The following ZEB2 variants were observed in gnomAD, a reference collection of about 807,000 sequenced individuals.
ZEB2 encodes zinc finger E-box-binding homeobox 2.
Under a neutral mutation model 99.9 loss-of-function variants are expected in ZEB2, and 6 were observed. The observed-to-expected ratio is 0.06, with a 90% CI of 0.03 to 0.12. ZEB2 has a LOEUF of 0.12. Ranked by LOEUF, ZEB2 falls within the 10% of genes least tolerant of loss-of-function variation. The pLI is 1.00. For synonymous variants in ZEB2, 517 were observed against 542.5 expected (o/e 0.95, Z 0.65); for missense variants, 969 against 1,502.8 (o/e 0.64, Z 5.87).
At chr2:144,392,679 A>G (rs555038201) in intron 9 of ZEB2, among the ~76,000 whole-genome samples, 1 of 152,368 alleles carries the variant, frequency 6.6e-6, no homozygotes, top group African/African-American at 2.4e-5. Context: ...AATTCAATTT[A>G]AATAGTAACT....
At chr2:144,495,993 AT>A (rs1420062920) in intron 2 of ZEB2, 1 of 152,278 alleles carries the variant, frequency 6.6e-6, no homozygotes, top group Non-Finnish European at 1.5e-5. Flanking sequence ...CTTTGGTCCC[AT>A]GACACAGCCA....
At chr2:144,474,148 G>C (rs940658789) in intron 2 of ZEB2, among the ~76,000 whole-genome samples, 1 of 152,178 alleles carries the variant, frequency 6.6e-6, no homozygotes, top group Non-Finnish European at 1.5e-5. Flanking sequence ...AGCTGGGAGA[G>C]GAGCAGAGCC....
rs77590096 is a variant in ZEB2 at position 144,411,005 on chromosome 2, G to A, written c.404-5981C>T. 1.2e-3 allele frequency among the ~76,000 whole-genome samples: 174 copies of A among 140,228 alleles called. No individual in the cohort carries two copies. In the East Asian group the frequency reaches 0.029, roughly 23 times the overall value. The allele number at this position is 140,228 out of a possible 152,430, so 92.0% of individuals were successfully genotyped here. A position where few individuals can be genotyped will look rare whatever the true frequency, so the allele number is the denominator to read the frequency against. ...TTTTTCCTACTTCTGTGATTCACCCGTTTGGAGATATATACACATAATGGT... is the reference window on the plus strand; with the variant it reads ...TTTTTCCTACTTCTGTGATTCACCCATTTGGAGATATATACACATAATGGT... On this transcript the variant is annotated intron_variant, in intron 4 of 9. Coordinates refer to ENST00000627532, the MANE Select transcript of ZEB2 (RefSeq NM_014795.4).
intron 2 of ZEB2, among the ~76,000 whole-genome samples, chr2:144,432,171 C>A (rs888734504): frequency 2.0e-5 from 3 of 152,046 alleles, no homozygotes; most frequent in African/African-American, 7.2e-5. Context: ...AATATCAGAA[C>A]AATCTAAACA....
At chr2:144,464,173 T>A (rs1008596001) in intron 2 of ZEB2, 1 of 152,200 alleles carries the variant, frequency 6.6e-6, no homozygotes, top group African/African-American at 2.4e-5. Flanking sequence ...TACCTCTCTA[T>A]CCTTAGGGAG....
intron 2 of ZEB2, chr2:144,449,492 AC>A (rs1490381413): frequency 6.6e-6 from 1 of 152,222 alleles, no homozygotes; most frequent in African/African-American, 2.4e-5. Context: ...AACACCTATA[AC>A]AAGTACAGCT....
chr2:144,437,084 C>T (rs1703849262), intron 2 of ZEB2, among the ~76,000 whole-genome samples: 1 of 152,264 alleles, frequency 6.6e-6, no homozygotes, highest in Admixed American at 6.5e-5. Context: ...CATACAGGCC[C>T]CTGACCGCTC....
chr2:144,390,061 G>A (rs1385586489), intron 9 of ZEB2, 33 bp from the exon 10 acceptor site: 1 of 1,595,584 alleles, frequency 6.3e-7, no homozygotes. Flanking sequence ...AGGGTGATTA[G>A]TGTCTTTGCA....
At chr2:144,406,010 A>G (rs974932989) in intron 4 of ZEB2, among the ~76,000 whole-genome samples, 17 of 152,212 alleles carry the variant, frequency 1.1e-4, no homozygotes, top group Non-Finnish European at 1.9e-4. Flanking sequence ...GGTACAATTA[A>G]TGGTGGAATC....
In ZEB2 at chr2:144,418,378, T is replaced by A. The variant is rs111475532; in HGVS notation, c.403+6418A>T. On this transcript the variant is annotated intron_variant, in intron 4 of 9. Coordinates refer to ENST00000627532, the MANE Select transcript of ZEB2 (RefSeq NM_014795.4). ...AGAAAACCGTTTACGATGTATTCAT[T>A]TCTTAATGAACAAAAATAGTTTGAA... is the stretch of plus-strand genomic sequence containing the variant. Among the ~76,000 whole-genome samples the A allele has an allele frequency of 5.6e-3, 860 of 152,298 alleles. 11 individuals carry two copies. Among genetic ancestry groups the A allele is most frequent in the African/African-American group, 0.02 (814 of 41,566 alleles).
chr2:144,399,814 C>T lies in ZEB2; in HGVS notation c.1373G>A (p.Ser458Asn). ...AATCTGTAGAACCTTTTGTACCTCA[C>T]TTAAATTACTATTCATGGTGGGAAA... ...LGFPTMNSNL[S>N]EVQKVLQIVD... Residue 458 changes from serine (S) to asparagine (N), a missense_variant, in exon 8 of 10, where the codon AGT (serine) becomes AAT (asparagine). Physicochemically the swap from Ser to Asn is conservative, Grantham distance 46 (BLOSUM62 1). Transcript: ENST00000627532. The surrounding 1 kb of genome is among the most constrained non-coding windows in gnomAD (Gnocchi z 5.6). The T allele has an allele frequency of 6.2e-7, 1 of 1,614,176 alleles. No homozygotes were observed. The highest frequency in any genetic ancestry group is 1.3e-5 in the African/African-American group (1 of 75,038).
chr2:144,474,408 C>G (rs1213207799), intron 2 of ZEB2, among the ~76,000 whole-genome samples: 2 of 152,190 alleles, frequency 1.3e-5, no homozygotes, highest in Admixed American at 1.3e-4. Context: ...AGTCTAATGA[C>G]CATTGCCCAA....
intron 2 of ZEB2, among the ~76,000 whole-genome samples, chr2:144,451,383 A>G (rs530738919): frequency 6.6e-6 from 1 of 152,338 alleles, no homozygotes; most frequent in South Asian, 2.1e-4. Context: ...ATTTGTGCTT[A>G]GGAAAATAAA....
Position 144,491,183 on chromosome 2 carries a change from C to T in ZEB2, c.73+26095G>A, listed in dbSNP as rs1214319163. Among the ~76,000 whole-genome samples, 6 of 152,200 alleles carry T rather than the reference C, an allele frequency of 3.9e-5. No homozygotes were observed. In the East Asian group the frequency reaches 5.8e-4, roughly 15 times the overall value. ...GGAGCTGGGGTGGGCGCCATGTGGG[C>T]GCCATCAGTTGAGCCTAGCAGCAGC... On this transcript the variant is annotated intron_variant, in intron 2 of 9. Transcript: ENST00000627532.
chr2:144,414,469 G>A (rs1054496861), intron 4 of ZEB2, among the ~76,000 whole-genome samples: 8 of 152,084 alleles, frequency 5.3e-5, no homozygotes, highest in Non-Finnish European at 8.8e-5. Context: ...GTATGTTATC[G>A]TGAGGCAGGG....
intron 2 of ZEB2, chr2:144,513,566 G>A (rs1324826169): frequency 1.3e-6 from 2 of 1,528,594 alleles, no homozygotes; most frequent in East Asian, 4.9e-5. Context: ...TTGCTACAAC[G>A]TGCATGTCTC....
chr2:144,513,648 G>T, intron 2 of ZEB2: 1 of 1,534,230 alleles, frequency 6.5e-7, no homozygotes, highest in Non-Finnish European at 8.7e-7. Context: ...CGGGCTCCGT[G>T]GGAGGCAGGA....
chr2:144,407,562 A>C (rs975485374), intron 4 of ZEB2, among the ~76,000 whole-genome samples: 58 of 152,212 alleles, frequency 3.8e-4, no homozygotes, highest in African/African-American at 1.4e-3. Flanking sequence ...CAGATCTATC[A>C]AAAAATCACC....
In ZEB2 at chr2:144,387,327, T is replaced by C. The variant is rs1703099160; in HGVS notation, c.*2124A>G. ...GCTGTAAATTTGATAAGGTAATCTGTTTTTTCTGTTATTCTTCACTTGGCA... is the reference window on the plus strand; with the variant it reads ...GCTGTAAATTTGATAAGGTAATCTGCTTTTTCTGTTATTCTTCACTTGGCA... On this transcript the variant is annotated 3_prime_UTR_variant, in exon 10 of 10. Transcript: ENST00000627532. 1 of 152,086 alleles carries C rather than the reference T, an allele frequency of 6.6e-6. No homozygotes were observed. The highest frequency in any genetic ancestry group is 1.5e-5 in the Non-Finnish European group (1 of 67,994). The allele number at this position is 152,086 out of a possible 1,614,324, so 9.4% of individuals were successfully genotyped here.
Sources: allele counts gnomAD v4.1 joint callset (sites outside exome capture counted in the v4.1 genomes callset), GRCh38; gene constraint gnomAD v4.1.1; non-coding constraint Gnocchi (gnomAD v3.1); transcripts MANE v1.5; gene names NCBI Gene and HGNC (gene_info 2026-07-23, HGNC 2026-07-21).